The following DOCK1 variants were observed in gnomAD, a reference collection of about 807,000 sequenced individuals.
The protein encoded by DOCK1 is dedicator of cytokinesis protein 1.
DOCK1 carries 138 observed loss-of-function variants against 262.7 expected under a neutral mutation model. That is an observed-to-expected ratio of 0.53 (90% CI 0.46 to 0.61). The LOEUF (loss-of-function observed/expected upper bound fraction) is 0.61, where lower values mean the gene tolerates loss of function less well. Among genes scored for constraint, DOCK1 ranks in the 20% least tolerant of loss-of-function variants. The pLI is 0.00. For missense variants in DOCK1, 1,908 were observed against 2,370.7 expected (o/e 0.80, Z 4.05); for synonymous variants, 866 against 867.4 (o/e 1.00, Z 0.03).
At chr10:127,157,491 C>G (rs762369138) in intron 27 of DOCK1, among the ~76,000 whole-genome samples, 1 of 152,256 alleles carries the variant, frequency 6.6e-6, no homozygotes, top group Non-Finnish European at 1.5e-5. Flanking sequence ...TTGACTTTTA[C>G]TCTCAATCCT....
intron 46 of DOCK1, 46 bp from the exon 47 acceptor site, chr10:127,425,828 G>A: frequency 1.2e-6 from 2 of 1,612,580 alleles, no homozygotes; most frequent in Non-Finnish European, 1.7e-6. Flanking sequence ...GCTCGTCCTA[G>A]ACCATTATCC....
intron 27 of DOCK1, chr10:127,146,057 G>T (rs1592216124): frequency 5.8e-6 from 3 of 518,226 alleles, no homozygotes; most frequent in Non-Finnish European, 1.2e-5. Flanking sequence ...AGACATCGTG[G>T]CCAGGACTGC....
At chr10:127,295,582 G>T (rs1344796052) in intron 29 of DOCK1, among the ~76,000 whole-genome samples, 1 of 152,028 alleles carries the variant, frequency 6.6e-6, no homozygotes, top group Non-Finnish European at 1.5e-5. Context: ...GCTACTTGAG[G>T]GGCTGAGGCG....
Position 127,338,171 on chromosome 10 carries a change from A to G in DOCK1, c.3045-835A>G, listed in dbSNP as rs536334488. On this transcript the variant is annotated intron_variant, in intron 29 of 51. Transcript: ENST00000623213. The stretch of plus-strand genomic sequence containing the variant: ...GTTTATCATCTGTGACCTAATACTA[A>G]TTCCTCTTACATCCTGCCTTTGTGC... Among the ~76,000 whole-genome samples the G allele has an allele frequency of 1.5e-4, 23 of 152,320 alleles. No homozygotes were observed. The East Asian group carries it at 4.2e-3, about 28-fold the overall frequency.
intron 23 of DOCK1, among the ~76,000 whole-genome samples, chr10:127,076,311 C>A (rs187432382): frequency 1.3e-5 from 2 of 152,288 alleles, no homozygotes; most frequent in South Asian, 2.1e-4. Flanking sequence ...ACCATCCTGG[C>A]TAACACGGTG....
chr10:127,283,756 T>C (rs1336385882), intron 29 of DOCK1, among the ~76,000 whole-genome samples: 1 of 152,254 alleles, frequency 6.6e-6, no homozygotes, highest in Non-Finnish European at 1.5e-5. Flanking sequence ...CCAGTGGGTA[T>C]ACCATAACTT....
intron 21 of DOCK1, among the ~76,000 whole-genome samples, chr10:127,050,429 C>T (rs1458231579): frequency 6.6e-6 from 1 of 151,628 alleles, no homozygotes; most frequent in Admixed American, 6.6e-5. Context: ...ATTTTTATGC[C>T]CTGCTGGGTG....
At position 126,905,450 on chromosome 10, in the gene DOCK1, A is replaced by G; in HGVS notation, c.-68A>G. Reference sequence around the variant, plus strand: ...TTCCTCCCCATCCTGTCGCGGCTCGAAAGGAATGGAAAATGGCGGCCTAGA... The same window carrying G: ...TTCCTCCCCATCCTGTCGCGGCTCGGAAGGAATGGAAAATGGCGGCCTAGA... On this transcript the variant is annotated 5_prime_UTR_variant, in exon 1 of 52. Coordinates refer to ENST00000623213, the MANE Select transcript of DOCK1 (RefSeq NM_001290223.2). 1 of 469,034 alleles carries G rather than the reference A, an allele frequency of 2.1e-6. No individual in the cohort carries two copies. The allele number at this position is 469,034 out of a possible 1,614,324, so 29.1% of individuals were successfully genotyped here.
At chr10:126,972,054 T>G (rs2038152533) in intron 2 of DOCK1, among the ~76,000 whole-genome samples, 4 of 152,066 alleles carry the variant, frequency 2.6e-5, no homozygotes, top group Admixed American at 6.6e-5. Context: ...GTAGCTGGGA[T>G]TACAGGCATG....
At chr10:127,107,054 C>G (rs2048572315) in intron 24 of DOCK1, among the ~76,000 whole-genome samples, 3 of 152,122 alleles carry the variant, frequency 2.0e-5, no homozygotes, top group African/African-American at 7.2e-5. Context: ...AACTCCTGGC[C>G]TCAAGCACCC....
intron 29 of DOCK1, among the ~76,000 whole-genome samples, chr10:127,320,007 C>G (rs2062448692): frequency 6.6e-6 from 1 of 152,110 alleles, no homozygotes; most frequent in African/African-American, 2.4e-5. Flanking sequence ...ATTATATAGG[C>G]CATGGAATCT....
chr10:127,248,230 A>G (rs2059498468), intron 28 of DOCK1, 121 bp downstream of exon 28: 1 of 887,590 alleles, frequency 1.1e-6, no homozygotes, highest in Non-Finnish European at 1.7e-6. Context: ...TCTCTGATTG[A>G]TTTCAAATGC....
chr10:127,035,723 A>T (rs1358788708), intron 18 of DOCK1, among the ~76,000 whole-genome samples: 2 of 152,112 alleles, frequency 1.3e-5, no homozygotes, highest in South Asian at 2.1e-4. Flanking sequence ...AAATGAAGAC[A>T]TGTTGCCCAG....
intron 27 of DOCK1, among the ~76,000 whole-genome samples, chr10:127,164,913 A>G (rs181944878): frequency 1.6e-4 from 25 of 152,332 alleles, no homozygotes; most frequent in African/African-American, 5.8e-4. Context: ...AGGAGCAGCT[A>G]TTAATAAGGA....
intron 27 of DOCK1, among the ~76,000 whole-genome samples, chr10:127,147,768 C>T (rs2052034892): frequency 1.3e-5 from 2 of 151,566 alleles, no homozygotes; most frequent in South Asian, 4.2e-4. Flanking sequence ...CACGGTGGCT[C>T]ATGCCTGTAA....
chr10:127,206,136 CTTTTTTT>C lies in DOCK1; in HGVS notation c.2848-41853_2848-41847del, dbSNP rs34450374. Among the ~76,000 whole-genome samples, 14 of 78,658 alleles carry C rather than the reference CTTTTTTT, an allele frequency of 1.8e-4. No homozygotes were observed. The South Asian group carries it at 1.9e-3, about 11-fold the overall frequency. The allele number at this position is 78,658 out of a possible 152,430, so 51.6% of individuals were successfully genotyped here. A position where few individuals can be genotyped will look rare whatever the true frequency, so the allele number is the denominator to read the frequency against. ...GTCATCTACCATATATTCTTCTTCT[CTTTTTTT>C]TTTTTTTTTTTTTTTTTTGTGACAG... On this transcript the variant is annotated intron_variant, in intron 27 of 51. Coordinates refer to ENST00000623213, the MANE Select transcript of DOCK1 (RefSeq NM_001290223.2).
chr10:127,093,239 C>CTTTCTTTCTTTCT (rs372397425), intron 23 of DOCK1, among the ~76,000 whole-genome samples: 8 of 94,256 alleles, frequency 8.5e-5, no homozygotes, highest in African/African-American at 2.0e-4. Context: ...TTCTTTCTTT[C>CTTTCTTTCTTTCT]TTCTTTTTTT....
intron 18 of DOCK1, among the ~76,000 whole-genome samples, chr10:127,036,184 CTG>C (rs1375865034): frequency 6.6e-6 from 1 of 152,206 alleles, no homozygotes; most frequent in African/African-American, 2.4e-5. Context: ...TCAGGCAACA[CTG>C]TACCCATGGT....
chr10:126,917,236 C>T lies in DOCK1; in HGVS notation c.46+11673C>T, dbSNP rs114084995. Among the ~76,000 whole-genome samples, 505 of 152,318 alleles carry T rather than the reference C, an allele frequency of 3.3e-3. 5 individuals are homozygous for T. The highest frequency in any genetic ancestry group is 0.011 in the African/African-American group (468 of 41,580). On this transcript the variant is annotated intron_variant, in intron 1 of 51. Transcript: ENST00000623213. ...AAGCCATCCGTAATTAGCTCCTCTC[C>T]GCTCAGGTTAGACTTTTGCAGTTAA...
Sources: gnomAD v4.1 joint callset for allele counts (sites outside exome capture counted in the v4.1 genomes callset) on GRCh38, gnomAD v4.1.1 for gene constraint, MANE v1.5 for transcripts, NCBI Gene and HGNC (gene_info 2026-07-23, HGNC 2026-07-21) for gene names.